The following PCDH9 variants were observed in gnomAD, a reference collection of about 807,000 sequenced individuals.
The protein encoded by PCDH9 is protocadherin-9.
A neutral mutation model predicts 70.6 loss-of-function variants in PCDH9; 24 were observed. The observed-to-expected ratio is 0.34, with a 90% confidence interval of 0.25 to 0.48. The LOEUF (loss-of-function observed/expected upper bound fraction) is 0.48. Ranked by LOEUF, PCDH9 falls within the 20% of genes least tolerant of loss-of-function variation. PCDH9 has a pLI of 0.99. For synonymous variants in PCDH9, 562 were observed against 558.5 expected (o/e 1.01, Z -0.09); for missense variants, 1,281 against 1,503.6 (o/e 0.85, Z 2.45).
chr13:67,106,243 C>T (rs2086540162), intron 2 of PCDH9, among the ~76,000 whole-genome samples: 1 of 152,114 alleles, frequency 6.6e-6, no homozygotes, highest in South Asian at 2.1e-4. Flanking sequence ...TATATGCTTC[C>T]TATTTACCAA....
At chr13:66,329,596 A>G (rs891799082) in intron 4 of PCDH9, among the ~76,000 whole-genome samples, 2 of 152,152 alleles carry the variant, frequency 1.3e-5, no homozygotes, top group African/African-American at 4.8e-5. Context: ...GTGCTCTCTA[A>G]CATCTTTCCC....
At chr13:66,762,370 A>T (rs1240038357) in intron 3 of PCDH9, among the ~76,000 whole-genome samples, 21 of 151,974 alleles carry the variant, frequency 1.4e-4, no homozygotes, top group Admixed American at 1.4e-3. Flanking sequence ...CACCAGCCTG[A>T]ATTCAGAGTC....
In PCDH9 at chr13:66,791,694, T is replaced by C. The variant is rs1472427533; in HGVS notation, c.3138+111810A>G. On this transcript the variant is annotated intron_variant, in intron 3 of 4. Transcript: ENST00000377865. ...TGTATGTATTATGTAAATTGTATAA[T>C]TTGTAAATGCTATCATTTGCCATTA... Among the ~76,000 whole-genome samples, 8 of 152,178 alleles carry C rather than the reference T, an allele frequency of 5.3e-5. No homozygotes were observed. In the East Asian group the frequency reaches 1.5e-3, roughly 29 times the overall value.
chr13:66,806,059 G>A (rs777074325), intron 3 of PCDH9, among the ~76,000 whole-genome samples: 11 of 151,974 alleles, frequency 7.2e-5, no homozygotes, highest in Non-Finnish European at 1.3e-4. Context: ...CTAATCCAGG[G>A]GGGAAATATC....
intron 4 of PCDH9, among the ~76,000 whole-genome samples, chr13:66,457,294 A>C (rs1301411445): frequency 1.3e-5 from 2 of 152,106 alleles, no homozygotes; most frequent in Admixed American, 1.3e-4. Flanking sequence ...ATTTATCCTC[A>C]AAAACATGTG....
chr13:67,138,856 G>T (rs2087301246), intron 2 of PCDH9, among the ~76,000 whole-genome samples: 1 of 152,134 alleles, frequency 6.6e-6, no homozygotes, highest in Non-Finnish European at 1.5e-5. Context: ...ATACATATGA[G>T]AGTAAGTAAA....
At chr13:66,616,809 T>C (rs2077361924) in intron 4 of PCDH9, among the ~76,000 whole-genome samples, 1 of 152,078 alleles carries the variant, frequency 6.6e-6, no homozygotes, top group African/African-American at 2.4e-5. Flanking sequence ...TCTCCCTTGT[T>C]TGAGGAGGGC....
At chr13:66,617,761 A>G (rs1339209865) in intron 4 of PCDH9, among the ~76,000 whole-genome samples, 1 of 152,176 alleles carries the variant, frequency 6.6e-6, no homozygotes, top group Admixed American at 6.5e-5. Context: ...TCTTGCCTTC[A>G]GGCCATCAAA....
At chr13:66,522,696 G>A (rs753414106) in intron 4 of PCDH9, among the ~76,000 whole-genome samples, 3 of 151,950 alleles carry the variant, frequency 2.0e-5, no homozygotes, top group South Asian at 2.1e-4. Context: ...ATGTGACCAC[G>A]GAGATAGAGA....
chr13:66,440,630 AG>A (rs1407444937), intron 4 of PCDH9, among the ~76,000 whole-genome samples: 1 of 152,146 alleles, frequency 6.6e-6, no homozygotes, highest in Non-Finnish European at 1.5e-5. Context: ...TGAAATCTCA[AG>A]GCAAATAGCT....
chr13:66,637,245 T>G (rs185225923), intron 3 of PCDH9, among the ~76,000 whole-genome samples: 67 of 152,268 alleles, frequency 4.4e-4, no homozygotes, highest in African/African-American at 1.5e-3. Flanking sequence ...ATGGCCTAAT[T>G]TGCTATTGCT....
At chr13:67,140,051 A>AT (rs1363793515) in intron 2 of PCDH9, among the ~76,000 whole-genome samples, 30 of 69,424 alleles carry the variant, frequency 4.3e-4, no homozygotes, top group Non-Finnish European at 7.1e-4. Context: ...CCATTGTGTT[A>AT]TTTTTTAAAA....
intron 3 of PCDH9, among the ~76,000 whole-genome samples, chr13:66,642,434 T>C (rs1167493544): frequency 1.3e-5 from 2 of 151,998 alleles, no homozygotes; most frequent in Non-Finnish European, 2.9e-5. Flanking sequence ...GCAATTGTGG[T>C]TATAAGATGA....
At chr13:66,670,455 T>G (rs1489643831) in intron 3 of PCDH9, among the ~76,000 whole-genome samples, 1 of 152,164 alleles carries the variant, frequency 6.6e-6, no homozygotes, top group African/African-American at 2.4e-5. Flanking sequence ...TGTATGGACA[T>G]CATCATCTTA....
intron 2 of PCDH9, among the ~76,000 whole-genome samples, chr13:67,059,568 A>G (rs1037608342): frequency 1.3e-5 from 2 of 151,560 alleles, no homozygotes; most frequent in African/African-American, 4.8e-5. Flanking sequence ...AAGAAGAAGT[A>G]TAGTCATGTG....
intron 2 of PCDH9, chr13:67,204,136 A>T (rs2138061328): frequency 6.6e-6 from 1 of 152,204 alleles, no homozygotes; most frequent in South Asian, 2.1e-4. Context: ...TTGTGGATAC[A>T]CACTAAGCAC....
chr13:66,653,986 AT>A (rs869167256), intron 3 of PCDH9, among the ~76,000 whole-genome samples: 1 of 141,530 alleles, frequency 7.1e-6, no homozygotes, highest in Non-Finnish European at 1.5e-5. Flanking sequence ...AAAAAAAAAA[AT>A]AGAAAGAAAA....
intron 3 of PCDH9, among the ~76,000 whole-genome samples, chr13:66,723,236 T>G (rs2078965023): frequency 6.6e-6 from 1 of 152,142 alleles, no homozygotes; most frequent in Non-Finnish European, 1.5e-5. Context: ...CTTCTTCAGC[T>G]TCTTATTCAA....
intron 2 of PCDH9, among the ~76,000 whole-genome samples, chr13:66,995,427 ACT>A (rs2084093452): frequency 6.6e-6 from 1 of 152,068 alleles, no homozygotes; most frequent in African/African-American, 2.4e-5. Flanking sequence ...GCAGTGAGAG[ACT>A]CTGCTTGAGT....
Sources: gnomAD v4.1 joint callset for allele counts (sites outside exome capture counted in the v4.1 genomes callset) on GRCh38, gnomAD v4.1.1 for gene constraint, MANE v1.5 for transcripts, NCBI Gene and HGNC (gene_info 2026-07-23, HGNC 2026-07-21) for gene names.